Variants in NINL observed in about 807,000 individuals in gnomAD.
The protein encoded by NINL is ninein-like protein.
A neutral mutation model predicts 160.3 loss-of-function variants in NINL; 153 were observed. That is an observed-to-expected ratio of 0.95 (90% CI 0.84 to 1.09). NINL has a LOEUF of 1.09. NINL is among the 50% of genes least tolerant of loss of function. The pLI is 0.00. For synonymous variants in NINL, 800 were observed against 734.8 expected (o/e 1.09, Z -1.43); for missense variants, 1,829 against 1,764.0 (o/e 1.04, Z -0.66).
At chr20:25,496,016 C>A (rs1327674904) in intron 10 of NINL, among the ~76,000 whole-genome samples, 1 of 152,146 alleles carries the variant, frequency 6.6e-6, no homozygotes, top group African/African-American at 2.4e-5. Context: ...TGGTGGCAGG[C>A]GCCTGTTTAA....
chr20:25,551,168 T>C (rs1359299363), intron 1 of NINL, among the ~76,000 whole-genome samples: 1 of 141,706 alleles, frequency 7.1e-6, no homozygotes, highest in Non-Finnish European at 1.6e-5. Flanking sequence ...CTTGAGTCAA[T>C]ACAGCACATG....
chr20:25,492,827 G>A (rs946540481), intron 10 of NINL, among the ~76,000 whole-genome samples: 2 of 152,050 alleles, frequency 1.3e-5, no homozygotes, highest in East Asian at 1.9e-4. Context: ...TGATACCCCC[G>A]GGAAAGTGAG....
chr20:25,538,830 G>A (rs2064607835), intron 1 of NINL, among the ~76,000 whole-genome samples: 1 of 152,072 alleles, frequency 6.6e-6, no homozygotes, highest in Non-Finnish European at 1.5e-5. Context: ...GAACTGGGGA[G>A]CACAAGGCCG....
chr20:25,543,040 C>CCA, intron 1 of NINL, among the ~76,000 whole-genome samples: 1 of 130,694 alleles, frequency 7.7e-6, no homozygotes, highest in South Asian at 2.5e-4. Flanking sequence ...ACTCCGTCTT[C>CCA]AAAAAAAAAA....
At chr20:25,510,455 C>G (rs73109487) in intron 5 of NINL, among the ~76,000 whole-genome samples, 6,017 of 152,334 alleles carry the variant, frequency 0.039, 199 homozygotes, top group Non-Finnish European at 0.059. Flanking sequence ...GCCCCTGGGT[C>G]TGACCTTGGG....
At chr20:25,496,199 C>T (rs2063749012) in intron 10 of NINL, among the ~76,000 whole-genome samples, 1 of 152,190 alleles carries the variant, frequency 6.6e-6, no homozygotes, top group South Asian at 2.1e-4. Flanking sequence ...CTGGTCTATC[C>T]AGCCACTGTT....
At chr20:25,581,289 C>CA (rs1457095725) in intron 1 of NINL, among the ~76,000 whole-genome samples, 3 of 152,062 alleles carry the variant, frequency 2.0e-5, no homozygotes, top group Admixed American at 2.0e-4. Context: ...ACTAAAAATA[C>CA]AAAAATTAGC....
chr20:25,567,622 T>A (rs1395132243), intron 1 of NINL, among the ~76,000 whole-genome samples: 5 of 152,154 alleles, frequency 3.3e-5, no homozygotes, highest in African/African-American at 1.2e-4. Flanking sequence ...CAAAGTTAAG[T>A]ATTACATCAG....
intron 1 of NINL, among the ~76,000 whole-genome samples, chr20:25,551,938 G>C (rs564616657): frequency 6.6e-6 from 1 of 152,310 alleles, no homozygotes; most frequent in African/African-American, 2.4e-5. Flanking sequence ...GAAAGGTTTA[G>C]GGGCTAGCAA....
chr20:25,524,904 A>T (rs867622210), intron 2 of NINL, among the ~76,000 whole-genome samples: 292 of 145,448 alleles, frequency 2.0e-3, no homozygotes, highest in Non-Finnish European at 3.7e-3. Context: ...CTCAAATTAA[A>T]ATATATATAT....
rs774911165 is a variant in NINL, at chr20:25,504,896, C to T, written c.700G>A (p.Glu234Lys). 230 of 1,610,796 alleles carry T rather than the reference C, an allele frequency of 1.4e-4. No individual in the cohort carries two copies. The highest frequency in any genetic ancestry group is 1.9e-4 in the Non-Finnish European group (220 of 1,179,894). ...VCQSVGLQGL[E>K]KEELEDLFNK... Reference sequence around the variant, plus strand: ...CCTGCTGTGCCCCTCACCTCTTTCTCGAGTCCCTGGAGCCCGACGCTCTGG... The same window carrying T: ...CCTGCTGTGCCCCTCACCTCTTTCTTGAGTCCCTGGAGCCCGACGCTCTGG... The change falls in exon 6 of 24, where the codon GAG becomes AAG. Residue 234 changes from glutamate (E) to lysine (K), a missense_variant. Transcript: ENST00000278886.
chr20:25,569,927 G>C (rs2065035763), intron 1 of NINL, among the ~76,000 whole-genome samples: 1 of 151,972 alleles, frequency 6.6e-6, no homozygotes, highest in Admixed American at 6.6e-5. Context: ...GCTCACACTT[G>C]TAATCCCAGC....
chr20:25,468,320 T>G (rs888156174), intron 18 of NINL, among the ~76,000 whole-genome samples: 2 of 135,620 alleles, frequency 1.5e-5, no homozygotes, highest in East Asian at 2.5e-4. Context: ...TGGCCCCCCG[T>G]CTGGTCCCCC....
chr20:25,454,648 T>A (rs1568822725), intron 23 of NINL, among the ~76,000 whole-genome samples: 1 of 152,136 alleles, frequency 6.6e-6, no homozygotes, highest in Admixed American at 6.5e-5. Context: ...CAGGTTTTCA[T>A]ATTTCTCTTA....
intron 1 of NINL, among the ~76,000 whole-genome samples, chr20:25,572,134 T>G (rs977427005): frequency 1.3e-5 from 2 of 151,898 alleles, no homozygotes; most frequent in Non-Finnish European, 2.9e-5. Context: ...CACCACAGCA[T>G]CTTAGTAATA....
chr20:25,512,065 C>T (rs1446372297), intron 4 of NINL, among the ~76,000 whole-genome samples: 1 of 152,228 alleles, frequency 6.6e-6, no homozygotes, highest in African/African-American at 2.4e-5. Flanking sequence ...CCCCACGAGA[C>T]TCTGGCAGCC....
At chr20:25,545,476 C>CG (rs568278597) in intron 1 of NINL, among the ~76,000 whole-genome samples, 3 of 38,360 alleles carry the variant, frequency 7.8e-5, no homozygotes, top group Non-Finnish European at 2.2e-4. Context: ...AAATTCTGAG[C>CG]CCCCCCCCAT....
intron 18 of NINL, among the ~76,000 whole-genome samples, chr20:25,468,612 C>T (rs1460631877): frequency 8.4e-5 from 12 of 143,372 alleles, no homozygotes; most frequent in East Asian, 2.2e-4. Flanking sequence ...GTCCTGTCCC[C>T]TGACTCTCAC....
rs953077749 is a variant in NINL at position 25,570,851 on chromosome 20, C to T, written c.-12+14604G>A. 3.3e-5 allele frequency among the ~76,000 whole-genome samples: 5 copies of T among 151,968 alleles called. No homozygotes were observed. In the South Asian group the frequency reaches 6.2e-4, roughly 19 times the overall value. Reference sequence around the variant, plus strand: ...TCGAGTAGCTGGGACTGCAGGCACACGCCACCATGCCTGGCTAATTTTTGT... The same window carrying T: ...TCGAGTAGCTGGGACTGCAGGCACATGCCACCATGCCTGGCTAATTTTTGT... On this transcript the variant is annotated intron_variant, in intron 1 of 23. Coordinates refer to ENST00000278886, the MANE Select transcript of NINL (RefSeq NM_025176.6).
Sources: gnomAD v4.1 joint callset for allele counts (sites outside exome capture counted in the v4.1 genomes callset) on GRCh38, gnomAD v4.1.1 for gene constraint, MANE v1.5 for transcripts, NCBI Gene and HGNC (gene_info 2026-07-23, HGNC 2026-07-21) for gene names.